Variants in RGSL1 observed in about 807,000 individuals in gnomAD.
The protein encoded by RGSL1 is regulator of G protein signaling protein-like.
Under a neutral mutation model 124.7 loss-of-function variants are expected in RGSL1, and 97 were observed. That is an observed-to-expected ratio of 0.78 (90% CI 0.66 to 0.92). RGSL1 has a LOEUF of 0.92. Among genes scored for constraint, RGSL1 ranks in the 40% least tolerant of loss-of-function variants. The pLI, the probability that RGSL1 is intolerant of heterozygous loss-of-function variation, is 0.00. For missense variants in RGSL1, 1,233 were observed against 1,288.4 expected, an observed-to-expected ratio of 0.96 and a Z score of 0.66; for synonymous variants, 424 against 438.1, an observed-to-expected ratio of 0.97 and a Z score of 0.40.
chr1:182,451,340 A>G (rs1651808272), intron 1 of RGSL1, among the ~76,000 whole-genome samples: 2 of 115,928 alleles, frequency 1.7e-5, no homozygotes, highest in South Asian at 5.2e-4. Flanking sequence ...AGACTTGTTA[A>G]TTGTAATAAT....
intron 9 of RGSL1, among the ~76,000 whole-genome samples, chr1:182,511,098 A>G (rs1657416975): frequency 6.6e-6 from 1 of 152,058 alleles, no homozygotes; most frequent in South Asian, 2.1e-4. Context: ...ATACATTTTT[A>G]TTTGATTTTT....
intron 8 of RGSL1, among the ~76,000 whole-genome samples, chr1:182,489,986 A>G (rs1255754764): frequency 2.6e-5 from 4 of 152,192 alleles, no homozygotes; most frequent in African/African-American, 9.7e-5. Flanking sequence ...TTGATCCACA[A>G]TAAATACGTT....
At chr1:182,510,755 C>T (rs901046137) in intron 9 of RGSL1, among the ~76,000 whole-genome samples, 10 of 151,156 alleles carry the variant, frequency 6.6e-5, no homozygotes, top group Non-Finnish European at 1.2e-4. Context: ...CTATTCAGAG[C>T]TTTTGCCCAT....
At chr1:182,463,024 T>C (rs1652970899) in intron 4 of RGSL1, among the ~76,000 whole-genome samples, 1 of 152,178 alleles carries the variant, frequency 6.6e-6, no homozygotes, top group South Asian at 2.1e-4. Flanking sequence ...CTGGGCGTGG[T>C]GGCTCATGCC....
At chr1:182,549,868 A>G (rs181987226) in intron 17 of RGSL1, 37 of 152,294 alleles carry the variant, frequency 2.4e-4, no homozygotes, top group African/African-American at 8.7e-4. Flanking sequence ...CTAGAACTTA[A>G]CTCTAGTTCT....
At chr1:182,543,473 G>T (rs1057267920) in intron 15 of RGSL1, among the ~76,000 whole-genome samples, 1 of 151,978 alleles carries the variant, frequency 6.6e-6, no homozygotes, top group Admixed American at 6.6e-5. Flanking sequence ...GAGGCTTTTT[G>T]CATCTGTGTT....
intron 9 of RGSL1, among the ~76,000 whole-genome samples, chr1:182,503,562 G>C (rs1359168717): frequency 7.4e-6 from 1 of 134,634 alleles, no homozygotes; most frequent in Admixed American, 8.1e-5. Context: ...TAGAAGGATG[G>C]TTACCAGCGG....
chr1:182,459,824 T>C (rs1247078279), intron 3 of RGSL1, among the ~76,000 whole-genome samples, 180 bp from the exon 4 acceptor site: 1 of 152,268 alleles, frequency 6.6e-6, no homozygotes, highest in African/African-American at 2.4e-5. Flanking sequence ...TGCTCCTCTT[T>C]GATACTTCTT....
At chr1:182,463,110 G>A (rs189759801) in intron 4 of RGSL1, among the ~76,000 whole-genome samples, 10 of 151,928 alleles carry the variant, frequency 6.6e-5, no homozygotes, top group South Asian at 2.1e-4. Flanking sequence ...TGGCTAACAC[G>A]GTGAAACCCC....
At position 182,489,160 on chromosome 1, in the gene RGSL1, G is replaced by T. The variant is rs1402146494; in HGVS notation, c.1675G>T (p.Gly559Cys). Residue 559 changes from glycine (G) to cysteine (C), a missense_variant, in exon 8 of 22, where the codon GGC becomes TGC. By Grantham distance (159) the Gly-to-Cys change is radical. Coordinates refer to ENST00000294854, the MANE Select transcript of RGSL1 (RefSeq NM_001137669.2). ...AGCTACTGAGGACCTGAAGCAAGGA[G>T]GCTCTCTCCAGGTAGAGCTGACATC... is the stretch of plus-strand genomic sequence containing the variant. ...KIATEDLKQG[G>C]SLQVELTSPV... The T allele has an allele frequency of 6.4e-7, 1 of 1,551,612 alleles. No homozygotes were observed. Among genetic ancestry groups the T allele is most frequent in the Non-Finnish European group, 8.7e-7 (1 of 1,147,016 alleles).
intron 13 of RGSL1, among the ~76,000 whole-genome samples, chr1:182,531,727 CA>C (rs1659187526): frequency 1.3e-5 from 2 of 152,136 alleles, no homozygotes; most frequent in Non-Finnish European, 2.9e-5. Flanking sequence ...TACCCAGAAC[CA>C]GTGCACTTGA....
intron 18 of RGSL1, 121 bp downstream of exon 18, chr1:182,551,330 C>T (rs979615644): frequency 1.3e-6 from 1 of 749,572 alleles, no homozygotes. Flanking sequence ...GCCGGGACAG[C>T]TCATTTACTT....
chr1:182,542,119 T>G (rs1444717147), intron 15 of RGSL1, among the ~76,000 whole-genome samples: 1 of 152,130 alleles, frequency 6.6e-6, no homozygotes, highest in Non-Finnish European at 1.5e-5. Flanking sequence ...TGGCTCCCTA[T>G]GCTTCTTACA....
chr1:182,532,910 A>T, intron 14 of RGSL1, 119 bp downstream of exon 14: 2 of 1,138,740 alleles, frequency 1.8e-6, no homozygotes, highest in Middle Eastern at 2.1e-4. Flanking sequence ...CTAGCAAAAA[A>T]ACCCAGGTCC....
rs564238306 is a variant in RGSL1, at chr1:182,538,733, G to A, written c.2495-1514G>A. 4.0e-4 allele frequency among the ~76,000 whole-genome samples: 61 copies of A among 152,108 alleles called. No homozygotes were observed. In the South Asian group the frequency reaches 8.5e-3, roughly 21 times the overall value. On this transcript the variant is annotated intron_variant, in intron 14 of 21. Coordinates refer to ENST00000294854, the MANE Select transcript of RGSL1 (RefSeq NM_001137669.2). ...TCAGGCTCATGCAGATGCCAACCCC[G>A]TACTTGTAACATGTTGATAGTGAAT... is the stretch of plus-strand genomic sequence containing the variant.
chr1:182,559,197 C>A (rs962873574), intron 21 of RGSL1, among the ~76,000 whole-genome samples: 4 of 152,174 alleles, frequency 2.6e-5, no homozygotes, highest in African/African-American at 7.2e-5. Context: ...CTTGAGATCC[C>A]TAGCCCCTAG....
At chr1:182,520,298 A>G (rs2102232087) in intron 9 of RGSL1, among the ~76,000 whole-genome samples, 1 of 152,272 alleles carries the variant, frequency 6.6e-6, no homozygotes, top group East Asian at 1.9e-4. Context: ...TGGAGTTCCA[A>G]CTGAAAGTTT....
intron 9 of RGSL1, among the ~76,000 whole-genome samples, chr1:182,503,685 T>C (rs1656575990): frequency 6.6e-6 from 1 of 152,138 alleles, no homozygotes; most frequent in African/African-American, 2.4e-5. Context: ...AAGCCTAGTA[T>C]TTGATAGCAC....
chr1:182,512,397 A>C (rs184489593), intron 9 of RGSL1, among the ~76,000 whole-genome samples: 4 of 152,222 alleles, frequency 2.6e-5, no homozygotes, highest in Admixed American at 6.5e-5. Context: ...TGTATATGTG[A>C]AATGGGAGAG....
Sources: gnomAD v4.1 joint callset for allele counts (sites outside exome capture counted in the v4.1 genomes callset) on GRCh38, gnomAD v4.1.1 for gene constraint, MANE v1.5 for transcripts, NCBI Gene and HGNC (gene_info 2026-07-23, HGNC 2026-07-21) for gene names.